Variants in TBCD observed in about 807,000 individuals in gnomAD.
TBCD encodes the protein tubulin-specific chaperone D.
TBCD carries 105 observed loss-of-function variants against 169.3 expected under a neutral mutation model. The ratio of observed to expected loss-of-function variants is 0.62; its 90% CI spans 0.53 to 0.73. The LOEUF (loss-of-function observed/expected upper bound fraction) is 0.73. Ranked by LOEUF, TBCD falls within the 30% of genes least tolerant of loss-of-function variation. The pLI, the probability that TBCD is intolerant of heterozygous loss-of-function variation, is 0.00. For synonymous variants in TBCD, 700 were observed against 643.9 expected, an observed-to-expected ratio of 1.09 and a Z score of -1.32; for missense variants, 1,444 against 1,600.1, an observed-to-expected ratio of 0.90 and a Z score of 1.66.
intron 13 of TBCD, among the ~76,000 whole-genome samples, chr17:82,834,089 C>T (rs1465502883): frequency 2.0e-5 from 3 of 152,148 alleles, no homozygotes; most frequent in East Asian, 1.9e-4. Flanking sequence ...GAATTACAGG[C>T]GCCCACCACC....
At position 82,864,696 on chromosome 17, in the gene TBCD, CT is replaced by C. The variant is rs1477010815; in HGVS notation, c.1319-5526del. On this transcript the variant is annotated intron_variant, in intron 13 of 38. Transcript: ENST00000355528. This position sits in a 1 kb window ranked among gnomAD's most constrained non-coding sequence, Gnocchi z 6.3. ...TCCTGTGGAAAGAGCGGGCTTGGGG[CT>C]TGGTGCGTGATCCCACCGAGGCCGG... Among the ~76,000 whole-genome samples the C allele has an allele frequency of 6.6e-6, 1 of 152,106 alleles. No homozygotes were observed. Among genetic ancestry groups the C allele is most frequent in the Non-Finnish European group, 1.5e-5 (1 of 68,012 alleles).
At chr17:82,809,309 G>C (rs2051252473) in intron 11 of TBCD, among the ~76,000 whole-genome samples, 1 of 152,118 alleles carries the variant, frequency 6.6e-6, no homozygotes, top group African/African-American at 2.4e-5. Flanking sequence ...CCCATCACCT[G>C]GCCTGATGGG....
At chr17:82,935,382 A>G (rs544874693) in intron 34 of TBCD, among the ~76,000 whole-genome samples, 3 of 152,228 alleles carry the variant, frequency 2.0e-5, no homozygotes, top group South Asian at 2.1e-4. Flanking sequence ...TTCAGCCTGT[A>G]GCTTTTACCT....
At chr17:82,893,943 G>A (rs1298805639) in intron 17 of TBCD, among the ~76,000 whole-genome samples, 4 of 152,288 alleles carry the variant, frequency 2.6e-5, no homozygotes, top group Non-Finnish European at 4.4e-5. Context: ...TGGTCGCCCC[G>A]TTTTACCCGT....
At chr17:82,872,244 A>G (rs898581537) in intron 14 of TBCD, among the ~76,000 whole-genome samples, 2 of 152,198 alleles carry the variant, frequency 1.3e-5, no homozygotes, top group Non-Finnish European at 2.9e-5. Flanking sequence ...TCGGAGGAGA[A>G]CAGCGCGGCT....
chr17:82,814,618 C>T (rs917476368), intron 12 of TBCD, among the ~76,000 whole-genome samples: 9 of 152,218 alleles, frequency 5.9e-5, no homozygotes, highest in African/African-American at 1.9e-4. Context: ...CTGGTTCAAG[C>T]GATTCTCCTG....
chr17:82,828,323 C>G (rs2053113926), intron 13 of TBCD, among the ~76,000 whole-genome samples: 1 of 140,332 alleles, frequency 7.1e-6, no homozygotes, highest in Non-Finnish European at 1.5e-5. Context: ...CAATCTAATG[C>G]ACACACACAC....
intron 17 of TBCD, among the ~76,000 whole-genome samples, chr17:82,897,034 C>T (rs8077706): frequency 0.054 from 8,284 of 152,098 alleles, 514 homozygotes; most frequent in African/African-American, 0.15. Flanking sequence ...ATTTCAGGGG[C>T]GTGTTTAACA....
At chr17:82,814,188 T>C (rs563793485) in intron 12 of TBCD, among the ~76,000 whole-genome samples, 1 of 152,342 alleles carries the variant, frequency 6.6e-6, no homozygotes, top group South Asian at 2.1e-4. Context: ...TAATTCTGAG[T>C]TTGACTAAAC....
chr17:82,795,064 G>A (rs1245019226), intron 7 of TBCD, among the ~76,000 whole-genome samples: 1 of 152,214 alleles, frequency 6.6e-6, no homozygotes, highest in East Asian at 1.9e-4. Flanking sequence ...GATGATGCTT[G>A]CTTTCCCGAG....
intron 35 of TBCD, chr17:82,937,587 G>A (rs2062736597): frequency 4.9e-6 from 3 of 606,554 alleles, no homozygotes; most frequent in South Asian, 4.0e-5. Flanking sequence ...TGCCTCTGCT[G>A]CCCTCGCGCT....
chr17:82,908,115 T>C (rs1461700437), intron 21 of TBCD, among the ~76,000 whole-genome samples: 1 of 152,206 alleles, frequency 6.6e-6, no homozygotes, highest in East Asian at 1.9e-4. Flanking sequence ...GAGGAAGGCT[T>C]ATGAAGCTAG....
intron 14 of TBCD, among the ~76,000 whole-genome samples, chr17:82,877,875 G>C (rs1915778964): frequency 1.3e-5 from 2 of 152,146 alleles, no homozygotes; most frequent in South Asian, 4.1e-4. Flanking sequence ...GTGCTTTTCT[G>C]TTCATAGAGT....
At chr17:82,777,489 G>A (rs1386723969) in intron 6 of TBCD, among the ~76,000 whole-genome samples, 1 of 152,248 alleles carries the variant, frequency 6.6e-6, no homozygotes, top group East Asian at 1.9e-4. Flanking sequence ...CAAAGGGGCA[G>A]TGTAAGGAAT....
intron 14 of TBCD, among the ~76,000 whole-genome samples, 169 bp from the exon 15 acceptor site, chr17:82,883,976 C>T (rs1334780630): frequency 6.6e-6 from 1 of 152,154 alleles, no homozygotes; most frequent in Admixed American, 6.5e-5. Context: ...TTGGGGGTCA[C>T]ATGTGTCTGT....
rs904161153 is a variant in TBCD at position 82,942,318 on chromosome 17, A to C, written c.3565-131A>C. On this transcript the variant is annotated intron_variant, in intron 38 of 38. Transcript: ENST00000355528. ...TAGCTCAGGCTGCCGGGTGTGTGGG[A>C]AACGGCACAAATGGTTTCCTGCAGG... The C allele has an allele frequency of 7.1e-5, 96 of 1,357,262 alleles. No individual in the cohort carries two copies. In the African/African-American group the frequency reaches 1.1e-3, roughly 15 times the overall value. 84.1% of individuals were successfully genotyped at this position (1,357,262 alleles called of 1,614,324 possible).
At chr17:82,875,782 A>T (rs2057927703) in intron 14 of TBCD, among the ~76,000 whole-genome samples, 1 of 152,204 alleles carries the variant, frequency 6.6e-6, no homozygotes, top group Non-Finnish European at 1.5e-5. Context: ...AAGAAAAGTT[A>T]AGTGGCCATT....
intron 5 of TBCD, among the ~76,000 whole-genome samples, chr17:82,769,689 C>T (rs1204410559): frequency 6.6e-6 from 1 of 151,988 alleles, no homozygotes; most frequent in Non-Finnish European, 1.5e-5. Flanking sequence ...CCAGCCTGGC[C>T]AACATGGTGA....
chr17:82,776,033 A>G (rs2048575917), intron 6 of TBCD, among the ~76,000 whole-genome samples: 1 of 152,122 alleles, frequency 6.6e-6, no homozygotes, highest in African/African-American at 2.4e-5. Context: ...CCTGGCCAAC[A>G]TGGTGAAACC....
Sources: gnomAD v4.1 joint callset for allele counts (sites outside exome capture counted in the v4.1 genomes callset) on GRCh38, gnomAD v4.1.1 for gene constraint, Gnocchi (gnomAD v3.1) non-coding constraint, MANE v1.5 for transcripts, NCBI Gene and HGNC (gene_info 2026-07-23, HGNC 2026-07-21) for gene names.